The following EBF3 variants were observed in gnomAD, a reference collection of about 807,000 sequenced individuals.
EBF3 encodes the protein transcription factor COE3.
Under a neutral mutation model 77.1 loss-of-function variants are expected in EBF3, and 18 were observed. The ratio of observed to expected loss-of-function variants is 0.23; its 90% confidence interval spans 0.16 to 0.35. EBF3 has a LOEUF of 0.35. EBF3 is among the 10% of genes least tolerant of loss of function. The probability of loss-of-function intolerance (pLI) is 1.00; values close to 1 mark genes in which losing one functional copy is unlikely to be tolerated. For missense variants in EBF3, 558 were observed against 860.0 expected (o/e 0.65, Z 4.39); for synonymous variants, 350 against 343.5 (o/e 1.02, Z -0.21).
At chr10:129,950,750 A>G (rs1183290952) in intron 6 of EBF3, among the ~76,000 whole-genome samples, 1 of 152,234 alleles carries the variant, frequency 6.6e-6, no homozygotes, top group Non-Finnish European at 1.5e-5. Context: ...CATTATATAG[A>G]GTTTGGACCA....
At chr10:129,865,303 A>G (rs909209248) in intron 10 of EBF3, among the ~76,000 whole-genome samples, 5 of 152,194 alleles carry the variant, frequency 3.3e-5, no homozygotes, top group Admixed American at 2.0e-4. Context: ...TGAAGTGTAT[A>G]TAAGTGTTTA....
rs151163759 is a variant in EBF3, at chr10:129,932,610, A to G, written c.554+24648T>C. Among the ~76,000 whole-genome samples, 645 of 152,372 alleles carry G rather than the reference A, an allele frequency of 4.2e-3. 5 individuals carry two copies. The highest frequency in any genetic ancestry group is 0.021 in the South Asian group (102 of 4,826). On this transcript the variant is annotated intron_variant, in intron 6 of 16. Transcript: ENST00000440978. ...AGGGCAGGGGGCACATGGTGTATGT[A>G]GCTCCACGTGCCTGTGATGCCATCC... is the stretch of plus-strand genomic sequence containing the variant.
rs1033529391 is a variant in EBF3, at chr10:129,963,856, G to C, written c.-88C>G. ...GGGCTTGGCGGCAGGCGGCTGCCCT[G>C]GCCGCCCTCGCCCTGCTCGGCGCCT... On this transcript the variant is annotated 5_prime_UTR_variant, in exon 1 of 17. Transcript: ENST00000440978. The surrounding 1 kb of genome is among the most constrained non-coding windows in gnomAD (Gnocchi z 7.1). 2 of 1,387,134 alleles carry C rather than the reference G, an allele frequency of 1.4e-6. No homozygotes were observed. Among genetic ancestry groups the C allele is most frequent in the Non-Finnish European group, 1.9e-6 (2 of 1,058,318 alleles). 85.9% of individuals were successfully genotyped at this position (1,387,134 alleles called of 1,614,324 possible). A position where few individuals can be genotyped will look rare whatever the true frequency, so the allele number is the denominator to read the frequency against.
chr10:129,886,449 AC>A (rs1853591565), intron 6 of EBF3, among the ~76,000 whole-genome samples: 1 of 152,182 alleles, frequency 6.6e-6, no homozygotes, highest in African/African-American at 2.4e-5. Context: ...GTCATCCATT[AC>A]TCGGAACAGC....
intron 11 of EBF3, among the ~76,000 whole-genome samples, chr10:129,847,929 T>G (rs1850589599): frequency 6.6e-6 from 1 of 152,218 alleles, no homozygotes; most frequent in Non-Finnish European, 1.5e-5. Flanking sequence ...ACAAAAGCTT[T>G]GTAAACAAAA....
chr10:129,844,320 G>C (rs527724139), intron 11 of EBF3, among the ~76,000 whole-genome samples: 194 of 152,346 alleles, frequency 1.3e-3, no homozygotes, highest in African/African-American at 4.4e-3. Flanking sequence ...CAAAAAGTAA[G>C]GCAGGTGGCC....
rs947689152 is a variant in EBF3, at chr10:129,885,419, C to T, written c.555-7570G>A. On this transcript the variant is annotated intron_variant, in intron 6 of 16. Transcript: ENST00000440978. The surrounding 1 kb of genome is among the most constrained non-coding windows in gnomAD (Gnocchi z 4.0). ...GCTTCGTCAGCCACCCCACTCCGCC[C>T]GCTGTCAGTGTTCTAGTTAGTATTT... is the stretch of plus-strand genomic sequence containing the variant. Among the ~76,000 whole-genome samples, 2 of 152,180 alleles carry T rather than the reference C, an allele frequency of 1.3e-5. No homozygotes were observed. Among genetic ancestry groups the T allele is most frequent in the South Asian group, 2.1e-4 (1 of 4,820 alleles).
intron 6 of EBF3, among the ~76,000 whole-genome samples, chr10:129,886,568 T>C (rs2134172882): frequency 6.6e-6 from 1 of 152,320 alleles, no homozygotes; most frequent in South Asian, 2.1e-4. Flanking sequence ...CAGTAAACCC[T>C]GCTCGGCTCC....
At chr10:129,923,582 C>T (rs924633580) in intron 6 of EBF3, among the ~76,000 whole-genome samples, 7 of 152,018 alleles carry the variant, frequency 4.6e-5, no homozygotes, top group Admixed American at 2.6e-4. Context: ...AGCTGGACTC[C>T]GACATGCAAA....
At chr10:129,948,968 C>T (rs1472736208) in intron 6 of EBF3, among the ~76,000 whole-genome samples, 1 of 152,094 alleles carries the variant, frequency 6.6e-6, no homozygotes, top group Non-Finnish European at 1.5e-5. Flanking sequence ...GCATTTAGGC[C>T]CCTGCCAGCC....
In EBF3 at chr10:129,943,013, T is replaced by C. The variant is rs565936031; in HGVS notation, c.554+14245A>G. Among the ~76,000 whole-genome samples the C allele has an allele frequency of 3.3e-5, 5 of 152,340 alleles. No individual in the cohort carries two copies. The South Asian group carries it at 8.3e-4, about 25-fold the overall frequency. The stretch of plus-strand genomic sequence containing the variant: ...TGTACTGCTTTCTAATGGGTGTTTT[T>C]CTCTGGATTCTAAGAGGAAGGTAGC... On this transcript the variant is annotated intron_variant, in intron 6 of 16. Coordinates refer to ENST00000440978, the MANE Select transcript of EBF3 (RefSeq NM_001375380.1). The surrounding 1 kb of genome is among the most constrained non-coding windows in gnomAD (Gnocchi z 8.8).
At chr10:129,914,372 A>T (rs921987244) in intron 6 of EBF3, among the ~76,000 whole-genome samples, 4 of 152,104 alleles carry the variant, frequency 2.6e-5, no homozygotes, top group African/African-American at 9.7e-5. Context: ...CATCCTAAGG[A>T]CTGGCCTGGG....
At chr10:129,909,009 A>G (rs1358200205) in intron 6 of EBF3, among the ~76,000 whole-genome samples, 1 of 152,114 alleles carries the variant, frequency 6.6e-6, no homozygotes. Flanking sequence ...TTACCTGCCC[A>G]CTCTGATTTT....
intron 4 of EBF3, among the ~76,000 whole-genome samples, chr10:129,961,304 C>G (rs944818197): frequency 8.5e-5 from 13 of 152,144 alleles, no homozygotes; most frequent in Admixed American, 7.2e-4. Flanking sequence ...GACCTGCCCC[C>G]CTCCCCACCA....
At chr10:129,867,037 G>T in intron 10 of EBF3, 104 bp downstream of exon 10, 1 of 1,415,346 alleles carries the variant, frequency 7.1e-7, no homozygotes, top group Non-Finnish European at 9.3e-7. Flanking sequence ...TCTTTCCACA[G>T]ACCCCTGCCC....
chr10:129,875,261 ATC>A (rs1437245830), intron 7 of EBF3, among the ~76,000 whole-genome samples: 8 of 133,250 alleles, frequency 6.0e-5, no homozygotes, highest in African/African-American at 2.0e-4. Flanking sequence ...CAGTGGCACG[ATC>A]TCAGCTCACC....
intron 16 of EBF3, among the ~76,000 whole-genome samples, chr10:129,838,320 C>T (rs540797652): frequency 7.9e-5 from 12 of 152,380 alleles, no homozygotes; most frequent in Non-Finnish European, 1.5e-4. Context: ...GGCCCGGAGC[C>T]CCCTCTGTCG....
intron 10 of EBF3, among the ~76,000 whole-genome samples, chr10:129,865,644 T>C (rs988627119): frequency 1.3e-5 from 2 of 152,166 alleles, no homozygotes; most frequent in Non-Finnish European, 2.9e-5. Flanking sequence ...CCAAGACCCA[T>C]CCAGGCACAC....
Position 129,840,340 on chromosome 10 carries a change from G to C in EBF3, c.1664C>G (p.Ser555Cys). ...IFSFSPANVI[S>C]AVKQKSAFAP... ...GAAGGCGCTCTTCTGTTTCACTGCG[G>C]AGATGACATTGGCAGGTGAGAATGA... Residue 555 changes from serine to cysteine, a missense_variant, in exon 15 of 17, where the codon TCC (serine) becomes TGC (cysteine). This residue lies in a region of EBF3 where 284 missense variants were observed against 368.3 expected (regional missense o/e 0.77). Transcript: ENST00000440978. The C allele has an allele frequency of 6.3e-7, 1 of 1,583,652 alleles. No individual in the cohort carries two copies. Among genetic ancestry groups the C allele is most frequent in the Non-Finnish European group, 8.6e-7 (1 of 1,164,274 alleles).
Sources: gnomAD v4.1 joint callset for allele counts (sites outside exome capture counted in the v4.1 genomes callset) on GRCh38, gnomAD v4.1.1 for gene constraint, gnomAD v4.1.1 regional missense constraint, Gnocchi (gnomAD v3.1) non-coding constraint, MANE v1.5 for transcripts, NCBI Gene and HGNC (gene_info 2026-07-23, HGNC 2026-07-21) for gene names.